Variants in CSMD1 observed in about 807,000 individuals in gnomAD.
CSMD1 encodes the protein CUB and Sushi multiple domains 1, also known as CUB and sushi domain-containing protein 1.
Under a neutral mutation model 417.5 loss-of-function variants are expected in CSMD1, and 213 were observed. That is an observed-to-expected ratio of 0.51 (90% CI 0.46 to 0.57). The LOEUF is 0.57. CSMD1 is among the 20% of genes least tolerant of loss of function. The pLI is 0.00. For synonymous variants in CSMD1, 2,862 were observed against 1,736.8 expected, an observed-to-expected ratio of 1.65 and a Z score of -16.11; for missense variants, 6,923 against 4,529.7, an observed-to-expected ratio of 1.53 and a Z score of -15.17.
chr8:4,959,443 G>A (rs1445935552), intron 1 of CSMD1, among the ~76,000 whole-genome samples: 1 of 152,210 alleles, frequency 6.6e-6, no homozygotes, highest in African/African-American at 2.4e-5. Context: ...TAGTTGGGTA[G>A]CCTAACCATG....
intron 2 of CSMD1, among the ~76,000 whole-genome samples, chr8:4,579,099 TA>T (rs1585278525): frequency 6.6e-6 from 1 of 151,378 alleles, no homozygotes; most frequent in Non-Finnish European, 1.5e-5. Context: ...TTATAAAGAG[TA>T]AGGACAATAA....
intron 27 of CSMD1, among the ~76,000 whole-genome samples, chr8:3,228,838 C>G (rs1040890902): frequency 6.6e-6 from 1 of 151,950 alleles, no homozygotes; most frequent in African/African-American, 2.4e-5. Context: ...AAATGATCGC[C>G]ACATTGATAG....
intron 1 of CSMD1, among the ~76,000 whole-genome samples, chr8:4,701,374 G>A (rs114858280): frequency 0.01 from 1,559 of 151,220 alleles, 31 homozygotes; most frequent in African/African-American, 0.035. Context: ...ATCTTGCCAG[G>A]CACCTAACAG....
chr8:4,631,316 C>A (rs1321479792), intron 2 of CSMD1, among the ~76,000 whole-genome samples: 6 of 151,998 alleles, frequency 3.9e-5, no homozygotes, highest in African/African-American at 1.2e-4. Flanking sequence ...GAGCTGAGAT[C>A]CTGCCACCAC....
intron 6 of CSMD1, among the ~76,000 whole-genome samples, chr8:3,727,734 T>G (rs1459064161): frequency 1.3e-5 from 2 of 152,110 alleles, no homozygotes; most frequent in East Asian, 3.9e-4. Context: ...AACACATGAA[T>G]GGATAAAGAT....
intron 1 of CSMD1, among the ~76,000 whole-genome samples, chr8:4,934,160 G>A (rs962935473): frequency 6.6e-6 from 1 of 152,126 alleles, no homozygotes; most frequent in South Asian, 2.1e-4. Context: ...CTGAGAAGAG[G>A]CCAGGCTAAC....
intron 2 of CSMD1, among the ~76,000 whole-genome samples, chr8:4,436,197 T>G (rs1220999599): frequency 6.6e-6 from 1 of 152,200 alleles, no homozygotes; most frequent in African/African-American, 2.4e-5. Context: ...ACACTGGCTT[T>G]AGGCTTCTTA....
chr8:4,174,164 T>G (rs574189330), intron 3 of CSMD1, among the ~76,000 whole-genome samples: 3 of 152,128 alleles, frequency 2.0e-5, no homozygotes, highest in Non-Finnish European at 2.9e-5. Flanking sequence ...TGGCTGCCCC[T>G]AGAGGAGAAT....
chr8:4,707,050 G>A (rs909959437), intron 1 of CSMD1, among the ~76,000 whole-genome samples: 24 of 152,196 alleles, frequency 1.6e-4, no homozygotes, highest in Admixed American at 5.2e-4. Flanking sequence ...AGGACTTAAG[G>A]TGATCAGATC....
intron 9 of CSMD1, 63 bp from the exon 10 acceptor site, chr8:3,575,129 C>T: frequency 7.1e-7 from 1 of 1,414,100 alleles, no homozygotes; most frequent in South Asian, 1.4e-5. Flanking sequence ...AAAGACATAA[C>T]ATTTATGGGA....
intron 50 of CSMD1, among the ~76,000 whole-genome samples, chr8:3,047,513 G>T (rs1388339208): frequency 6.6e-6 from 1 of 152,168 alleles, no homozygotes; most frequent in South Asian, 2.1e-4. Context: ...GGGGTTGCGA[G>T]TACACAGCTC....
chr8:4,212,652 G>C lies in CSMD1; in HGVS notation c.416-180553C>G, dbSNP rs80023619. Among the ~76,000 whole-genome samples the C allele has an allele frequency of 1.2e-3, 176 of 149,006 alleles. 2 individuals carry two copies. The East Asian group carries it at 0.027, about 23-fold the overall frequency. ...CTACTGCCACCATGTTATCAGTAAA[G>C]TACAATTTTTAAAAATCTAAGAACA... On this transcript the variant is annotated intron_variant, in intron 3 of 69. Transcript: ENST00000635120.
At chr8:3,920,159 G>C (rs571947451) in intron 5 of CSMD1, among the ~76,000 whole-genome samples, 2 of 152,100 alleles carry the variant, frequency 1.3e-5, no homozygotes, top group Admixed American at 6.6e-5. Flanking sequence ...TTAGTCTTCT[G>C]AGAAGCTGGG....
chr8:3,514,764 A>G (rs1797218150), intron 10 of CSMD1, among the ~76,000 whole-genome samples: 3 of 152,166 alleles, frequency 2.0e-5, no homozygotes, highest in African/African-American at 7.2e-5. Flanking sequence ...TTCATAATTT[A>G]TACTGCACAT....
At chr8:3,859,575 T>C (rs1329545784) in intron 5 of CSMD1, among the ~76,000 whole-genome samples, 2 of 152,116 alleles carry the variant, frequency 1.3e-5, no homozygotes, top group Non-Finnish European at 2.9e-5. Context: ...TAGTGCGAAG[T>C]TGGGTCATGC....
chr8:4,532,768 C>G (rs893750536), intron 2 of CSMD1, among the ~76,000 whole-genome samples: 1 of 146,666 alleles, frequency 6.8e-6, no homozygotes, highest in Non-Finnish European at 1.5e-5. Context: ...TCAGTCACTC[C>G]GGAAGAGAAA....
At chr8:3,478,227 A>T (rs1817538538) in intron 11 of CSMD1, among the ~76,000 whole-genome samples, 1 of 152,246 alleles carries the variant, frequency 6.6e-6, no homozygotes, top group Non-Finnish European at 1.5e-5. Flanking sequence ...TAAATTCACT[A>T]AACATTATCT....
chr8:4,446,079 G>A (rs185768820), intron 2 of CSMD1, among the ~76,000 whole-genome samples: 5 of 152,298 alleles, frequency 3.3e-5, no homozygotes, highest in African/African-American at 4.8e-5. Flanking sequence ...ATAGGCGGAA[G>A]GGCTCCGTGT....
intron 3 of CSMD1, among the ~76,000 whole-genome samples, chr8:4,134,905 T>C (rs997853498): frequency 2.0e-5 from 3 of 152,178 alleles, no homozygotes; most frequent in Non-Finnish European, 4.4e-5. Context: ...GGCTTTCAAT[T>C]ATCTAGTTTT....
Sources: gnomAD v4.1 joint callset for allele counts (sites outside exome capture counted in the v4.1 genomes callset) on GRCh38, gnomAD v4.1.1 for gene constraint, MANE v1.5 for transcripts, NCBI Gene and HGNC (gene_info 2026-07-23, HGNC 2026-07-21) for gene names.